The following CNBD1 variants were observed in gnomAD, a reference collection of about 807,000 sequenced individuals.
The protein encoded by CNBD1 is cyclic nucleotide binding domain containing 1.
CNBD1 carries 71 observed loss-of-function variants against 54.4 expected under a neutral mutation model. That is an observed-to-expected ratio of 1.30 (90% CI 1.08 to 1.59). The LOEUF is 1.59. CNBD1 is among the 40% of genes most tolerant of loss of function. The pLI, the probability that CNBD1 is intolerant of heterozygous loss-of-function variation, is 0.00. For synonymous variants in CNBD1, 182 were observed against 170.7 expected, an observed-to-expected ratio of 1.07 and a Z score of -0.51; for missense variants, 659 against 518.0, an observed-to-expected ratio of 1.27 and a Z score of -2.64.
At chr8:87,361,689 A>AAT (rs71277937) in intron 10 of CNBD1, among the ~76,000 whole-genome samples, 4,725 of 143,330 alleles carry the variant, frequency 0.033, 108 homozygotes, top group Non-Finnish European at 0.042. Flanking sequence ...TAGTTGGATG[A>AAT]ATATATATAT....
chr8:87,149,803 G>A (rs987977556), intron 4 of CNBD1, among the ~76,000 whole-genome samples: 6 of 152,056 alleles, frequency 3.9e-5, no homozygotes, highest in Admixed American at 1.3e-4. Flanking sequence ...AAATGATGGA[G>A]CAGATTTACG....
At chr8:87,156,796 G>A (rs1285928824) in intron 4 of CNBD1, among the ~76,000 whole-genome samples, 1 of 152,032 alleles carries the variant, frequency 6.6e-6, no homozygotes, top group East Asian at 1.9e-4. Flanking sequence ...AAATTCAGGA[G>A]CATAGTGTAC....
chr8:87,348,042 A>T (rs77157864), intron 8 of CNBD1, among the ~76,000 whole-genome samples: 2,847 of 152,290 alleles, frequency 0.019, 92 homozygotes, highest in African/African-American at 0.065. Flanking sequence ...CATTTCTAAC[A>T]TTAGATAAGT....
At chr8:87,159,490 C>G (rs1287958491) in intron 4 of CNBD1, among the ~76,000 whole-genome samples, 1 of 152,036 alleles carries the variant, frequency 6.6e-6, no homozygotes, top group Non-Finnish European at 1.5e-5. Context: ...TCTTGGAGGG[C>G]TCTCTGTGCC....
intron 2 of CNBD1, among the ~76,000 whole-genome samples, chr8:87,400,644 A>G (rs535339873): frequency 6.6e-6 from 1 of 152,106 alleles, no homozygotes; most frequent in Admixed American, 6.6e-5. Flanking sequence ...AATTGACTAC[A>G]AGATTGATAA....
At chr8:87,371,666 T>C (rs947560259) in intron 10 of CNBD1, among the ~76,000 whole-genome samples, 3 of 152,068 alleles carry the variant, frequency 2.0e-5, no homozygotes, top group African/African-American at 7.2e-5. Flanking sequence ...ATCCCTGGGA[T>C]GCAAGGCTGG....
chr8:87,151,560 C>T (rs1812604658), intron 4 of CNBD1, among the ~76,000 whole-genome samples: 2 of 152,226 alleles, frequency 1.3e-5, no homozygotes, highest in East Asian at 1.9e-4. Context: ...TGTATGGACC[C>T]CTAGCCACTC....
intron 6 of CNBD1, among the ~76,000 whole-genome samples, chr8:87,275,810 A>T (rs890758996): frequency 2.0e-5 from 3 of 151,670 alleles, no homozygotes; most frequent in Non-Finnish European, 4.4e-5. Context: ...ACATGATTGT[A>T]TATCTAGAAA....
intron 4 of CNBD1, among the ~76,000 whole-genome samples, chr8:87,156,677 C>T (rs1319458502): frequency 1.3e-5 from 2 of 152,034 alleles, no homozygotes; most frequent in African/African-American, 4.8e-5. Flanking sequence ...ATGCAATGCT[C>T]TTTGACAAAT....
intron 3 of CNBD1, among the ~76,000 whole-genome samples, chr8:86,913,064 G>C (rs1326142636): frequency 6.6e-6 from 1 of 152,106 alleles, no homozygotes; most frequent in African/African-American, 2.4e-5. Flanking sequence ...GTTTTTGCAA[G>C]AGTAAAGACA....
At chr8:87,146,921 C>A (rs1475668147) in intron 4 of CNBD1, among the ~76,000 whole-genome samples, 1 of 152,058 alleles carries the variant, frequency 6.6e-6, no homozygotes, top group East Asian at 1.9e-4. Flanking sequence ...ATTAAAGACA[C>A]AAATCAAATT....
intron 4 of CNBD1, among the ~76,000 whole-genome samples, chr8:86,984,193 C>T: frequency 6.6e-6 from 1 of 152,138 alleles, no homozygotes; most frequent in Non-Finnish European, 1.5e-5. Flanking sequence ...CAGGCCTTGG[C>T]AGCTTCCACA....
chr8:86,957,720 T>C (rs2130461714), intron 4 of CNBD1, among the ~76,000 whole-genome samples: 1 of 152,286 alleles, frequency 6.6e-6, no homozygotes, highest in South Asian at 2.1e-4. Flanking sequence ...TCTTCTCTCT[T>C]TTCTTCTTTA....
chr8:87,234,953 C>T (rs1807543258), intron 5 of CNBD1, among the ~76,000 whole-genome samples: 1 of 152,308 alleles, frequency 6.6e-6, no homozygotes, highest in African/African-American at 2.4e-5. Flanking sequence ...ATGACCTCAG[C>T]TAGTGTTCTG....
chr8:87,144,771 A>G (rs1312229670), intron 4 of CNBD1, among the ~76,000 whole-genome samples: 1 of 151,494 alleles, frequency 6.6e-6, no homozygotes, highest in Admixed American at 6.6e-5. Flanking sequence ...CAGTGAGCCA[A>G]ATTGCGCCAT....
At chr8:86,990,962 CTT>C (rs1471709271) in intron 4 of CNBD1, among the ~76,000 whole-genome samples, 1 of 151,974 alleles carries the variant, frequency 6.6e-6, no homozygotes, top group Non-Finnish European at 1.5e-5. Flanking sequence ...CATGGGATTA[CTT>C]TTTTGATTTC....
intron 8 of CNBD1, among the ~76,000 whole-genome samples, chr8:87,335,619 C>G (rs1420571333): frequency 6.6e-6 from 1 of 152,066 alleles, no homozygotes; most frequent in Non-Finnish European, 1.5e-5. Context: ...AGAGGGGTCT[C>G]TTGAATATAG....
intron 5 of CNBD1, among the ~76,000 whole-genome samples, chr8:87,231,486 G>A (rs1685125933): frequency 6.6e-6 from 1 of 152,146 alleles, no homozygotes; most frequent in Admixed American, 6.5e-5. Context: ...ATTTTTCCCT[G>A]CTTTCAGTTT....
intron 6 of CNBD1, among the ~76,000 whole-genome samples, chr8:87,281,230 A>G (rs953485585): frequency 1.3e-5 from 2 of 151,550 alleles, no homozygotes; most frequent in African/African-American, 4.8e-5. Flanking sequence ...TCACATTTTA[A>G]ATTTCTTTAA....
Sources: allele counts gnomAD v4.1 joint callset (sites outside exome capture counted in the v4.1 genomes callset), GRCh38; gene constraint gnomAD v4.1.1; transcripts MANE v1.5; gene names NCBI Gene and HGNC (gene_info 2026-07-23, HGNC 2026-07-21).